Variants in B3GAT2 observed in about 807,000 individuals in gnomAD.
B3GAT2 encodes the protein beta-1,3-glucuronyltransferase 2.
In B3GAT2, 26 loss-of-function variants were observed where a neutral mutation model predicts 27.8. The ratio of observed to expected loss-of-function variants is 0.93; its 90% confidence interval spans 0.68 to 1.30. B3GAT2 has a LOEUF of 1.30. Among genes scored for constraint, B3GAT2 ranks in the 50% most tolerant of loss-of-function variants. B3GAT2 has a pLI of 0.00. For missense variants in B3GAT2, 458 were observed against 459.0 expected (o/e 1.00, Z 0.02); for synonymous variants, 218 against 195.1 (o/e 1.12, Z -0.98).
In B3GAT2 at chr6:70,947,447, A is replaced by C. The variant is rs544628096; in HGVS notation, c.591+8392T>G. On this transcript the variant is annotated intron_variant, in intron 1 of 3. Transcript: ENST00000230053. ...AGAAACTACCATCAGAGAATACTAC[A>C]AACACCTCTACGCAAATAAACTAGA... 2.9e-3 allele frequency among the ~76,000 whole-genome samples: 435 copies of C among 152,310 alleles called. 2 individuals carry two copies. Among genetic ancestry groups the C allele is most frequent in the Admixed American group, 6.3e-3 (96 of 15,308 alleles).
At chr6:70,940,081 G>C (rs978727552) in intron 1 of B3GAT2, among the ~76,000 whole-genome samples, 5 of 151,866 alleles carry the variant, frequency 3.3e-5, no homozygotes, top group Non-Finnish European at 7.4e-5. Flanking sequence ...CTGTGGAGAA[G>C]GAACAAGGAA....
At chr6:70,903,822 GA>G (rs1047333544) in intron 1 of B3GAT2, among the ~76,000 whole-genome samples, 11 of 150,988 alleles carry the variant, frequency 7.3e-5, no homozygotes, top group African/African-American at 2.7e-4. Flanking sequence ...AACTACTTGG[GA>G]AAAAAAATTG....
rs552203334 is a variant in B3GAT2 at position 70,893,870 on chromosome 6, C to T, written c.736+258G>A. On this transcript the variant is annotated intron_variant, in intron 2 of 3. Coordinates refer to ENST00000230053, the MANE Select transcript of B3GAT2 (RefSeq NM_080742.3). ...GCCAACCCAGTAGCTGCCATGTAGA[C>T]GCTTGTGGGATAAAGGCACAGACAG... 3.9e-5 allele frequency among the ~76,000 whole-genome samples: 6 copies of T among 152,226 alleles called. No individual in the cohort carries two copies. The East Asian group carries it at 1.2e-3, about 29-fold the overall frequency.
At chr6:70,895,896 C>A (rs143446667) in intron 1 of B3GAT2, among the ~76,000 whole-genome samples, 82 of 151,766 alleles carry the variant, frequency 5.4e-4, no homozygotes, top group African/African-American at 1.7e-3. Flanking sequence ...AAGCCTGAGA[C>A]TTTATCTAAA....
chr6:70,906,442 C>T (rs79253620), intron 1 of B3GAT2, among the ~76,000 whole-genome samples: 8 of 152,074 alleles, frequency 5.3e-5, no homozygotes, highest in South Asian at 2.1e-4. Flanking sequence ...TGGGCTCAAG[C>T]AATCCTCCTG....
chr6:70,918,098 C>A (rs1478059070), intron 1 of B3GAT2, among the ~76,000 whole-genome samples: 1 of 152,146 alleles, frequency 6.6e-6, no homozygotes, highest in Non-Finnish European at 1.5e-5. Flanking sequence ...GTATTGGGTG[C>A]ATATATATTT....
At chr6:70,948,908 T>C (rs1179399312) in intron 1 of B3GAT2, among the ~76,000 whole-genome samples, 4 of 151,260 alleles carry the variant, frequency 2.6e-5, no homozygotes, top group South Asian at 2.1e-4. Context: ...TAACGCTGCA[T>C]ATCTACAACT....
Position 70,858,022 on chromosome 6 carries a change from C to T in B3GAT2, c.*3641G>A, listed in dbSNP as rs778234852. ...GCGTGCCTGTGCCTGCAGCTCCTGG[C>T]CTTATAGGAAATGTGATGGGACAGA... On this transcript the variant is annotated 3_prime_UTR_variant, in exon 4 of 4. Transcript: ENST00000230053. The T allele has an allele frequency of 1.9e-6, 3 of 1,614,006 alleles. No homozygotes were observed. The African/African-American group carries it at 4.0e-5, about 22-fold the overall frequency.
At chr6:70,919,814 C>T (rs1772836790) in intron 1 of B3GAT2, among the ~76,000 whole-genome samples, 1 of 152,138 alleles carries the variant, frequency 6.6e-6, no homozygotes, top group Non-Finnish European at 1.5e-5. Flanking sequence ...GTCTGTTGGC[C>T]CCTACTGGGA....
chr6:70,858,933 A>G lies in B3GAT2; in HGVS notation c.*2730T>C, dbSNP rs771627978. 52 of 155,748 alleles carry G rather than the reference A, an allele frequency of 3.3e-4. No homozygotes were observed. The highest frequency in any genetic ancestry group is 7.1e-4 in the Non-Finnish European group (50 of 70,470). The allele number at this position is 155,748 out of a possible 1,614,324, so 9.6% of individuals were successfully genotyped here. A position where few individuals can be genotyped will look rare whatever the true frequency, so the allele number is the denominator to read the frequency against. ...GTTAGAGCTGAGATAGAACATTTCTATTTCAGGTGCTGTGTTCTGACTTTT... is the reference window on the plus strand; with the variant it reads ...GTTAGAGCTGAGATAGAACATTTCTGTTTCAGGTGCTGTGTTCTGACTTTT... On this transcript the variant is annotated 3_prime_UTR_variant, in exon 4 of 4. Coordinates refer to ENST00000230053, the MANE Select transcript of B3GAT2 (RefSeq NM_080742.3).
chr6:70,906,130 TTTC>T (rs1225245859), intron 1 of B3GAT2, among the ~76,000 whole-genome samples: 1 of 152,206 alleles, frequency 6.6e-6, no homozygotes, highest in Admixed American at 6.5e-5. Context: ...TTCATTTCTC[TTTC>T]TTAATTTTTC....
rs547627972 is a variant in B3GAT2 at position 70,906,338 on chromosome 6, C to T, written c.592-12066G>A. 1.2e-4 allele frequency among the ~76,000 whole-genome samples: 19 copies of T among 152,088 alleles called. 1 individual carries two copies. The South Asian group carries it at 4.0e-3, about 32-fold the overall frequency. ...CACACACATACCTAGAGCATTCTCT[C>T]ATAGCAATTTTTTTTTAAGACAGAG... On this transcript the variant is annotated intron_variant, in intron 1 of 3. Transcript: ENST00000230053.
At chr6:70,882,081 T>C (rs1772107919) in intron 2 of B3GAT2, among the ~76,000 whole-genome samples, 1 of 152,172 alleles carries the variant, frequency 6.6e-6, no homozygotes, top group Non-Finnish European at 1.5e-5. Context: ...TTATTCTTTC[T>C]CTAACAGCAG....
chr6:70,928,296 C>A (rs1267674229), intron 1 of B3GAT2, among the ~76,000 whole-genome samples: 2 of 151,818 alleles, frequency 1.3e-5, no homozygotes, highest in Non-Finnish European at 2.9e-5. Flanking sequence ...AGAGCAAACA[C>A]ATTCAAAAGC....
chr6:70,910,866 T>C (rs1217639205), intron 1 of B3GAT2, among the ~76,000 whole-genome samples: 2 of 152,232 alleles, frequency 1.3e-5, no homozygotes, highest in African/African-American at 4.8e-5. Context: ...ATAATACCCA[T>C]TCTGACTGGT....
At chr6:70,922,430 C>CA (rs1265851459) in intron 1 of B3GAT2, among the ~76,000 whole-genome samples, 1 of 152,034 alleles carries the variant, frequency 6.6e-6, no homozygotes, top group Non-Finnish European at 1.5e-5. Context: ...GCACCAGTAT[C>CA]AACCATATGC....
rs77929502 is a variant in B3GAT2, at chr6:70,879,517, C to T, written c.736+14611G>A. 4.8e-3 allele frequency among the ~76,000 whole-genome samples: 673 copies of T among 138,788 alleles called. 39 individuals are homozygous for T. In the East Asian group the frequency reaches 0.17, roughly 35 times the overall value. The allele number at this position is 138,788 out of a possible 152,430, so 91.1% of individuals were successfully genotyped here. A position where few individuals can be genotyped will look rare whatever the true frequency, so the allele number is the denominator to read the frequency against. On this transcript the variant is annotated intron_variant, in intron 2 of 3. Transcript: ENST00000230053. ...CATTCATTCATTCATTCAACAAAAA[C>T]ATACATACCAGGCAAACTGCCAGGG...
In B3GAT2 at chr6:70,912,541, T is replaced by C. The variant is rs115401941; in HGVS notation, c.592-18269A>G. On this transcript the variant is annotated intron_variant, in intron 1 of 3. Transcript: ENST00000230053. ...CTGAATTCAGATTGCTAGTATTTTA[T>C]TGAGAATTTTTGCATCTATGTTTGT... is the stretch of plus-strand genomic sequence containing the variant. Among the ~76,000 whole-genome samples, 873 of 152,258 alleles carry C rather than the reference T, an allele frequency of 5.7e-3. 5 individuals carry two copies. Among genetic ancestry groups the C allele is most frequent in the African/African-American group, 0.016 (671 of 41,556 alleles).
intron 1 of B3GAT2, among the ~76,000 whole-genome samples, chr6:70,944,689 G>A (rs1012685809): frequency 6.6e-6 from 1 of 152,160 alleles, no homozygotes; most frequent in Admixed American, 6.5e-5. Flanking sequence ...AGACTTAAAT[G>A]TCCCTGTCTG....
Sources: gnomAD v4.1 joint callset for allele counts (sites outside exome capture counted in the v4.1 genomes callset) on GRCh38, gnomAD v4.1.1 for gene constraint, MANE v1.5 for transcripts, NCBI Gene and HGNC (gene_info 2026-07-23, HGNC 2026-07-21) for gene names.